RABGAP1L: variants seen among roughly 807,000 people sequenced by gnomAD.
RABGAP1L encodes rab GTPase-activating protein 1-like.
RABGAP1L carries 63 observed loss-of-function variants against 137.7 expected under a neutral mutation model. The observed-to-expected ratio is 0.46, with a 90% CI of 0.37 to 0.56. The LOEUF is 0.56. Among genes scored for constraint, RABGAP1L ranks in the 20% least tolerant of loss-of-function variants. The pLI, the probability that RABGAP1L is intolerant of heterozygous loss-of-function variation, is 0.00. For missense variants in RABGAP1L, 1,095 were observed against 1,244.0 expected, an observed-to-expected ratio of 0.88 and a Z score of 1.80; for synonymous variants, 431 against 433.7, an observed-to-expected ratio of 0.99 and a Z score of 0.08.
At chr1:174,383,635 G>GCCC (rs1188507623) in intron 12 of RABGAP1L, among the ~76,000 whole-genome samples, 1 of 152,164 alleles carries the variant, frequency 6.6e-6, no homozygotes, top group Non-Finnish European at 1.5e-5. Context: ...GCAATGCCTC[G>GCCC]CCCTGCTTCG....
At chr1:174,238,055 G>T (rs1208146142) in intron 4 of RABGAP1L, among the ~76,000 whole-genome samples, 1 of 151,728 alleles carries the variant, frequency 6.6e-6, no homozygotes, top group Non-Finnish European at 1.5e-5. Context: ...TCTTCCAGTT[G>T]ATCGCATCGG....
At chr1:174,580,845 A>G (rs1251745624) in intron 13 of RABGAP1L, among the ~76,000 whole-genome samples, 1 of 152,244 alleles carries the variant, frequency 6.6e-6, no homozygotes, top group East Asian at 1.9e-4. Flanking sequence ...AATGTAACCC[A>G]ACTGAAAAAT....
At chr1:174,882,399 GT>G (rs1427382285) in intron 19 of RABGAP1L, among the ~76,000 whole-genome samples, 1 of 152,052 alleles carries the variant, frequency 6.6e-6, no homozygotes, top group African/African-American at 2.4e-5. Flanking sequence ...TCTTTCTTAT[GT>G]TTTTGGTAGG....
intron 21 of RABGAP1L, among the ~76,000 whole-genome samples, chr1:174,975,304 T>G (rs1179930574): frequency 6.6e-6 from 1 of 152,190 alleles, no homozygotes; most frequent in Non-Finnish European, 1.5e-5. Flanking sequence ...GGGAGCTAAC[T>G]TAGATGAGGG....
At chr1:174,443,505 G>C (rs1478539094) in intron 13 of RABGAP1L, among the ~76,000 whole-genome samples, 1 of 151,968 alleles carries the variant, frequency 6.6e-6, no homozygotes, top group Non-Finnish European at 1.5e-5. Context: ...ATAACTCTTG[G>C]CAATTTCTAT....
At chr1:174,307,388 C>T (rs570987635) in intron 11 of RABGAP1L, among the ~76,000 whole-genome samples, 5 of 152,184 alleles carry the variant, frequency 3.3e-5, no homozygotes, top group Non-Finnish European at 5.9e-5. Context: ...GCAACCATCA[C>T]CTCTATCTAG....
intron 18 of RABGAP1L, among the ~76,000 whole-genome samples, chr1:174,798,386 G>C (rs1157408442): frequency 6.6e-6 from 1 of 151,346 alleles, no homozygotes; most frequent in Non-Finnish European, 1.5e-5. Context: ...CTGGGTGACA[G>C]AGCGACAATC....
chr1:174,182,551 A>T (rs1666464067), intron 1 of RABGAP1L, among the ~76,000 whole-genome samples: 1 of 152,214 alleles, frequency 6.6e-6, no homozygotes, highest in Non-Finnish European at 1.5e-5. Flanking sequence ...AGATGAAGTG[A>T]AAAGGCAAGA....
chr1:174,679,242 C>A (rs978505208), intron 14 of RABGAP1L, among the ~76,000 whole-genome samples: 1 of 152,180 alleles, frequency 6.6e-6, no homozygotes, highest in Non-Finnish European at 1.5e-5. Context: ...AGCTAAGCTG[C>A]AAGCCCCGTG....
chr1:174,769,724 G>A (rs554658382), intron 18 of RABGAP1L, among the ~76,000 whole-genome samples: 1 of 152,100 alleles, frequency 6.6e-6, no homozygotes, highest in Non-Finnish European at 1.5e-5. Flanking sequence ...ATGGTGGTGG[G>A]CGCCTGTAGT....
intron 11 of RABGAP1L, among the ~76,000 whole-genome samples, chr1:174,316,134 T>TC (rs1679357881): frequency 6.6e-6 from 1 of 152,216 alleles, no homozygotes; most frequent in South Asian, 2.1e-4. Context: ...ATTTGTGAAT[T>TC]CCTTCTTTGT....
chr1:174,281,473 G>A (rs531623767), intron 10 of RABGAP1L, among the ~76,000 whole-genome samples: 8 of 152,326 alleles, frequency 5.3e-5, no homozygotes, highest in Admixed American at 1.3e-4. Flanking sequence ...TGATTGGTGC[G>A]TTTACGCTCC....
In RABGAP1L at chr1:174,504,676, A is replaced by G. The variant is rs185499659; in HGVS notation, c.1710+110531A>G. Among the ~76,000 whole-genome samples, 124 of 152,354 alleles carry G rather than the reference A, an allele frequency of 8.1e-4. 1 individual carries two copies. The highest frequency in any genetic ancestry group is 1.2e-3 in the Non-Finnish European group (83 of 68,026). ...CTAGGAAAACTGGATATCCATGTGC[A>G]GAATAATGAAATTAGAGCCTCATTT... On this transcript the variant is annotated intron_variant, in intron 13 of 25. Coordinates refer to ENST00000681986, the MANE Select transcript of RABGAP1L (RefSeq NM_001366446.1).
chr1:174,225,630 G>A (rs900394664), intron 3 of RABGAP1L, among the ~76,000 whole-genome samples: 2 of 151,132 alleles, frequency 1.3e-5, no homozygotes, highest in East Asian at 3.9e-4. Flanking sequence ...TGTTCCACAT[G>A]CATACACAGT....
chr1:174,780,101 A>AATAC (rs888373386), intron 18 of RABGAP1L, among the ~76,000 whole-genome samples: 9 of 119,816 alleles, frequency 7.5e-5, no homozygotes, highest in Non-Finnish European at 1.4e-4. Context: ...TAAATAAATA[A>AATAC]ATAAATAAAT....
chr1:174,239,359 A>G (rs1321744655), intron 4 of RABGAP1L, among the ~76,000 whole-genome samples: 3 of 152,094 alleles, frequency 2.0e-5, no homozygotes, highest in South Asian at 4.1e-4. Flanking sequence ...CATTCACTAC[A>G]TTCCAGTTAT....
chr1:174,652,196 G>A (rs770205421), intron 14 of RABGAP1L, among the ~76,000 whole-genome samples: 2 of 152,098 alleles, frequency 1.3e-5, no homozygotes, highest in Non-Finnish European at 2.9e-5. Flanking sequence ...ACTTTCTGCC[G>A]AGAGATCCAC....
At chr1:174,603,963 A>G (rs1386952739) in intron 13 of RABGAP1L, among the ~76,000 whole-genome samples, 3 of 151,438 alleles carry the variant, frequency 2.0e-5, no homozygotes, top group Admixed American at 6.6e-5. Flanking sequence ...CCTCTCCTCA[A>G]GCAGAAGGAA....
intron 1 of RABGAP1L, among the ~76,000 whole-genome samples, chr1:174,166,863 A>G (rs1050491213): frequency 1.3e-5 from 2 of 152,210 alleles, no homozygotes; most frequent in African/African-American, 2.4e-5. Flanking sequence ...GTGTGTGGAA[A>G]ATTTTGGAAA....
Sources: gnomAD v4.1 joint callset for allele counts (sites outside exome capture counted in the v4.1 genomes callset) on GRCh38, gnomAD v4.1.1 for gene constraint, MANE v1.5 for transcripts, NCBI Gene and HGNC (gene_info 2026-07-23, HGNC 2026-07-21) for gene names.